The following LRRTM4 variants were observed in gnomAD, a reference collection of about 807,000 sequenced individuals.
LRRTM4 encodes the protein leucine-rich repeat transmembrane neuronal protein 4.
A neutral mutation model predicts 47.6 loss-of-function variants in LRRTM4; 25 were observed. That is an observed-to-expected ratio of 0.53 (90% CI 0.38 to 0.73). The LOEUF (loss-of-function observed/expected upper bound fraction) is 0.73. Among genes scored for constraint, LRRTM4 ranks in the 30% least tolerant of loss-of-function variants. The pLI is 0.00. For synonymous variants in LRRTM4, 311 were observed against 269.5 expected, an observed-to-expected ratio of 1.15 and a Z score of -1.51; for missense variants, 638 against 713.4, an observed-to-expected ratio of 0.89 and a Z score of 1.20.
In LRRTM4 at chr2:77,313,695, C is replaced by T. The variant is rs993047869; in HGVS notation, c.1551+204623G>A. The stretch of plus-strand genomic sequence containing the variant: ...TGTTATGATCATCTGTGTGGTAATC[C>T]TGTCCCCAATTTCTCCTCCTACGTA... On this transcript the variant is annotated intron_variant, in intron 3 of 3. Coordinates refer to ENST00000409884, the MANE Select transcript of LRRTM4 (RefSeq NM_001134745.3). 7.0e-4 allele frequency among the ~76,000 whole-genome samples: 106 copies of T among 151,982 alleles called. 1 individual carries two copies. Among genetic ancestry groups the T allele is most frequent in the Non-Finnish European group, 2.4e-4 (16 of 67,974 alleles).
intron 3 of LRRTM4, among the ~76,000 whole-genome samples, chr2:77,082,525 T>C (rs1680565535): frequency 1.3e-5 from 2 of 152,124 alleles, no homozygotes; most frequent in Admixed American, 1.3e-4. Context: ...CCTTTACCTA[T>C]AGAATTTATT....
intron 3 of LRRTM4, among the ~76,000 whole-genome samples, chr2:76,862,058 C>T (rs1206036446): frequency 6.6e-6 from 1 of 150,500 alleles, no homozygotes; most frequent in Admixed American, 6.6e-5. Flanking sequence ...GGTATTGGGG[C>T]TTGCTAATTT....
chr2:77,332,371 T>G (rs1671003166), intron 3 of LRRTM4, among the ~76,000 whole-genome samples: 1 of 152,188 alleles, frequency 6.6e-6, no homozygotes, highest in Non-Finnish European at 1.5e-5. Context: ...ATTAGTACAT[T>G]ATAGTCTCAA....
intron 3 of LRRTM4, among the ~76,000 whole-genome samples, chr2:77,282,348 T>C (rs1323169912): frequency 2.0e-5 from 3 of 151,946 alleles, no homozygotes; most frequent in Non-Finnish European, 4.4e-5. Context: ...GCAGAGTCTT[T>C]AGGGTTTTCT....
At chr2:77,229,162 C>A (rs753468257) in intron 3 of LRRTM4, among the ~76,000 whole-genome samples, 4 of 151,990 alleles carry the variant, frequency 2.6e-5, no homozygotes, top group Non-Finnish European at 5.9e-5. Flanking sequence ...CCTACTTATT[C>A]TTTTTTGCTT....
chr2:77,005,282 T>A (rs1447234844), intron 3 of LRRTM4, among the ~76,000 whole-genome samples: 2 of 152,110 alleles, frequency 1.3e-5, no homozygotes, highest in African/African-American at 4.8e-5. Context: ...GTAGCTGGGA[T>A]TATACATGCC....
intron 3 of LRRTM4, among the ~76,000 whole-genome samples, chr2:76,826,404 A>G (rs1671192211): frequency 6.6e-6 from 1 of 151,576 alleles, no homozygotes; most frequent in Admixed American, 6.6e-5. Context: ...TATATGATCT[A>G]GTTTTGCATA....
chr2:77,420,958 G>A (rs937930932), intron 3 of LRRTM4, among the ~76,000 whole-genome samples: 20 of 147,986 alleles, frequency 1.4e-4, no homozygotes, highest in African/African-American at 4.7e-4. Flanking sequence ...ATTTCCTAGT[G>A]AAAAAAAGAC....
chr2:76,972,135 A>T lies in LRRTM4; in HGVS notation c.1552-223219T>A, dbSNP rs146341402. On this transcript the variant is annotated intron_variant, in intron 3 of 3. Transcript: ENST00000409884. ...AGTCATTCTCAACTGACATCTCCAC[A>T]GAATAGTTTGTCTTAGCGAAAAGGA... Among the ~76,000 whole-genome samples, 583 of 152,182 alleles carry T rather than the reference A, an allele frequency of 3.8e-3. 1 individual carries two copies. The highest frequency in any genetic ancestry group is 0.013 in the African/African-American group (558 of 41,562).
intron 3 of LRRTM4, among the ~76,000 whole-genome samples, chr2:77,066,542 T>G (rs1679961686): frequency 6.6e-6 from 1 of 152,202 alleles, no homozygotes; most frequent in Admixed American, 6.5e-5. Flanking sequence ...TTGCGAAGCT[T>G]AATGTGAAAG....
At chr2:76,961,002 A>G (rs1473391804) in intron 3 of LRRTM4, among the ~76,000 whole-genome samples, 4 of 151,550 alleles carry the variant, frequency 2.6e-5, no homozygotes, top group Non-Finnish European at 4.4e-5. Flanking sequence ...TGTAATTAAT[A>G]CTTGTGAAAG....
rs1452198374 is a variant in LRRTM4 at position 77,236,429 on chromosome 2, G to T, written c.1551+281889C>A. Among the ~76,000 whole-genome samples the T allele has an allele frequency of 2.0e-5, 3 of 151,844 alleles. 1 individual carries two copies. The East Asian group carries it at 5.8e-4, about 29-fold the overall frequency. On this transcript the variant is annotated intron_variant, in intron 3 of 3. Transcript: ENST00000409884. ...AGAGCATTTTGGTGGAATCTTTAGGGTTTTCTAGGTACAGAATCATATTTT... is the reference window on the plus strand; with the variant it reads ...AGAGCATTTTGGTGGAATCTTTAGGTTTTTCTAGGTACAGAATCATATTTT...
At chr2:77,128,213 A>G (rs887755416) in intron 3 of LRRTM4, among the ~76,000 whole-genome samples, 2 of 152,154 alleles carry the variant, frequency 1.3e-5, no homozygotes, top group Non-Finnish European at 2.9e-5. Context: ...TGTTTCAAGC[A>G]CTAAATTTTG....
intron 3 of LRRTM4, among the ~76,000 whole-genome samples, chr2:77,417,440 C>T (rs1674679068): frequency 6.6e-6 from 1 of 152,102 alleles, no homozygotes; most frequent in Non-Finnish European, 1.5e-5. Context: ...GACACATGCA[C>T]ACGTATGTTT....
chr2:76,752,688 C>T (rs1254550018), intron 3 of LRRTM4, among the ~76,000 whole-genome samples: 1 of 152,164 alleles, frequency 6.6e-6, no homozygotes, highest in African/African-American at 2.4e-5. Flanking sequence ...TTCTGAGGAG[C>T]TCAGAGGCTG....
At chr2:76,790,316 G>A (rs1358073365) in intron 3 of LRRTM4, among the ~76,000 whole-genome samples, 3 of 152,086 alleles carry the variant, frequency 2.0e-5, no homozygotes. Flanking sequence ...CTATTTCTGA[G>A]GGATTTTTTT....
rs1271209383 is a variant in LRRTM4 at position 77,212,472 on chromosome 2, T to TAGAG, written c.1551+305845_1551+305846insCTCT. On this transcript the variant is annotated intron_variant, in intron 3 of 3. Transcript: ENST00000409884. ...AGTGGAATAATTATATATATATATA[T>TAGAG]ATAGAGAGAGAGAGAGAGAGAGCGA... is the stretch of plus-strand genomic sequence containing the variant. 3.8e-3 allele frequency among the ~76,000 whole-genome samples: 547 copies of TAGAG among 144,432 alleles called. 5 individuals are homozygous for TAGAG. The highest frequency in any genetic ancestry group is 0.013 in the South Asian group (58 of 4,554). 94.8% of individuals were successfully genotyped at this position (144,432 alleles called of 152,430 possible).
chr2:77,212,470 T>G lies in LRRTM4; in HGVS notation c.1551+305848A>C, dbSNP rs527960619. ...TTAGTGGAATAATTATATATATATATATATAGAGAGAGAGAGAGAGAGAGC... is the reference window on the plus strand; with the variant it reads ...TTAGTGGAATAATTATATATATATAGATATAGAGAGAGAGAGAGAGAGAGC... On this transcript the variant is annotated intron_variant, in intron 3 of 3. Transcript: ENST00000409884. Among the ~76,000 whole-genome samples the G allele has an allele frequency of 8.4e-3, 1,222 of 146,240 alleles. 6 individuals are homozygous for G. Among genetic ancestry groups the G allele is most frequent in the African/African-American group, 0.018 (698 of 38,546 alleles).
At position 76,974,211 on chromosome 2, in the gene LRRTM4, CACATATATATACATACAT is replaced by C. The variant is rs1230433265; in HGVS notation, c.1552-225313_1552-225296del. Among the ~76,000 whole-genome samples the C allele has an allele frequency of 4.1e-3, 488 of 118,136 alleles. 8 individuals are homozygous for C. The highest frequency in any genetic ancestry group is 0.014 in the African/African-American group (381 of 26,660). The allele number at this position is 118,136 out of a possible 152,430, so 77.5% of individuals were successfully genotyped here. A position where few individuals can be genotyped will look rare whatever the true frequency, so the allele number is the denominator to read the frequency against. On this transcript the variant is annotated intron_variant, in intron 3 of 3. Coordinates refer to ENST00000409884, the MANE Select transcript of LRRTM4 (RefSeq NM_001134745.3). ...ACATATATATACATATATATATATACACATATATATACATACATATATATATATACATATATATATATA... is the reference window on the plus strand; with the variant it reads ...ACATATATATACATATATATATATACATATATATATACATATATATATATA...
Sources: allele counts gnomAD v4.1 joint callset (sites outside exome capture counted in the v4.1 genomes callset), GRCh38; gene constraint gnomAD v4.1.1; transcripts MANE v1.5; gene names NCBI Gene and HGNC (gene_info 2026-07-23, HGNC 2026-07-21).